The following FMNL2 variants were observed in gnomAD, a reference collection of about 807,000 sequenced individuals.
FMNL2 encodes the protein formin like 2, also known as formin-like protein 2.
A neutral mutation model predicts 130.2 loss-of-function variants in FMNL2; 51 were observed. The ratio of observed to expected loss-of-function variants is 0.39; its 90% confidence interval spans 0.31 to 0.49. FMNL2 has a LOEUF of 0.49. Among genes scored for constraint, FMNL2 ranks in the 20% least tolerant of loss-of-function variants. FMNL2 has a pLI of 0.85. For synonymous variants in FMNL2, 465 were observed against 467.1 expected, an observed-to-expected ratio of 1.00 and a Z score of 0.06; for missense variants, 977 against 1,316.2, an observed-to-expected ratio of 0.74 and a Z score of 3.99.
intron 1 of FMNL2, among the ~76,000 whole-genome samples, chr2:152,414,335 G>A (rs1193771955): frequency 6.6e-6 from 1 of 152,106 alleles, no homozygotes; most frequent in Non-Finnish European, 1.5e-5. Context: ...CTCACTGGGG[G>A]TGGAGTGATG....
intron 1 of FMNL2, among the ~76,000 whole-genome samples, chr2:152,361,411 T>G (rs968740116): frequency 2.6e-5 from 4 of 152,212 alleles, no homozygotes; most frequent in African/African-American, 4.8e-5. Context: ...CTTTTTATAT[T>G]GTTTCAATAT....
intron 1 of FMNL2, among the ~76,000 whole-genome samples, chr2:152,496,637 T>TC (rs1691532003): frequency 6.6e-6 from 1 of 152,220 alleles, no homozygotes; most frequent in Non-Finnish European, 1.5e-5. Flanking sequence ...ATTTCTGTCA[T>TC]CCCGTCATAT....
At chr2:152,593,902 T>A (rs12988475) in intron 9 of FMNL2, among the ~76,000 whole-genome samples, 2,087 of 81,572 alleles carry the variant, frequency 0.026, 95 homozygotes, top group East Asian at 0.18. Flanking sequence ...TGTGTGTGTG[T>A]GAGAGAGAGA....
At chr2:152,384,666 G>A (rs1016294728) in intron 1 of FMNL2, among the ~76,000 whole-genome samples, 1 of 152,182 alleles carries the variant, frequency 6.6e-6, no homozygotes, top group African/African-American at 2.4e-5. Flanking sequence ...GCCTGCCTGG[G>A]TCCCTTGAGT....
At chr2:152,627,824 T>TA (rs1370113240) in intron 17 of FMNL2, among the ~76,000 whole-genome samples, 1 of 152,106 alleles carries the variant, frequency 6.6e-6, no homozygotes, top group African/African-American at 2.4e-5. Flanking sequence ...GAAGAAAAAA[T>TA]ACTACCAGAC....
intron 1 of FMNL2, among the ~76,000 whole-genome samples, chr2:152,503,875 A>G (rs546709058): frequency 6.6e-6 from 1 of 152,274 alleles, no homozygotes; most frequent in East Asian, 1.9e-4. Flanking sequence ...AGGTGGGGGA[A>G]CTGTTTACAC....
chr2:152,590,176 A>C (rs1005000946), intron 9 of FMNL2, among the ~76,000 whole-genome samples: 20 of 151,168 alleles, frequency 1.3e-4, no homozygotes, highest in African/African-American at 4.4e-4. Context: ...GTGGGCCACC[A>C]TGTCTGGCCT....
intron 1 of FMNL2, among the ~76,000 whole-genome samples, chr2:152,454,647 G>C (rs1043685924): frequency 6.6e-6 from 1 of 152,228 alleles, no homozygotes; most frequent in African/African-American, 2.4e-5. Flanking sequence ...TTGCTCCATT[G>C]TTGGCTTGCT....
chr2:152,473,895 C>T (rs1392517843), intron 1 of FMNL2, among the ~76,000 whole-genome samples: 1 of 151,970 alleles, frequency 6.6e-6, no homozygotes, highest in Non-Finnish European at 1.5e-5. Flanking sequence ...TATTTACTTA[C>T]TTAGAGTCTC....
chr2:152,366,665 G>T (rs567994525), intron 1 of FMNL2, among the ~76,000 whole-genome samples: 10 of 152,232 alleles, frequency 6.6e-5, no homozygotes, highest in Non-Finnish European at 1.2e-4. Flanking sequence ...AGTGTACCCT[G>T]GTTTAAAATG....
intron 2 of FMNL2, among the ~76,000 whole-genome samples, chr2:152,534,564 CTTT>C (rs10719527): frequency 6.2e-4 from 81 of 131,558 alleles, no homozygotes; most frequent in East Asian, 2.1e-3. Context: ...CTTATTTTGT[CTTT>C]TTTTTTTTTT....
chr2:152,343,330 C>T (rs1681918609), intron 1 of FMNL2, among the ~76,000 whole-genome samples: 1 of 152,164 alleles, frequency 6.6e-6, no homozygotes, highest in Non-Finnish European at 1.5e-5. Flanking sequence ...GATTCTCCTT[C>T]TGTCATCTGG....
At chr2:152,549,474 C>G (rs1343669425) in intron 4 of FMNL2, among the ~76,000 whole-genome samples, 1 of 152,178 alleles carries the variant, frequency 6.6e-6, no homozygotes, top group East Asian at 1.9e-4. Context: ...GTTGAAGCTG[C>G]TTTATTTCCC....
chr2:152,461,603 A>T (rs1327269814), intron 1 of FMNL2, among the ~76,000 whole-genome samples: 1 of 152,218 alleles, frequency 6.6e-6, no homozygotes, highest in Non-Finnish European at 1.5e-5. Flanking sequence ...TAAAAATTCA[A>T]TTCTTTCTTC....
intron 1 of FMNL2, among the ~76,000 whole-genome samples, chr2:152,385,454 T>C (rs1198324046): frequency 6.6e-6 from 1 of 152,202 alleles, no homozygotes; most frequent in Non-Finnish European, 1.5e-5. Flanking sequence ...AATTCTTCCA[T>C]TTAGGAGGAC....
intron 1 of FMNL2, among the ~76,000 whole-genome samples, chr2:152,504,065 C>T (rs892652115): frequency 1.3e-5 from 2 of 152,168 alleles, no homozygotes; most frequent in African/African-American, 4.8e-5. Context: ...GTGGCACGCG[C>T]CTGTAGTCCC....
chr2:152,604,433 A>C (rs973340193), intron 9 of FMNL2, among the ~76,000 whole-genome samples: 11 of 150,990 alleles, frequency 7.3e-5, no homozygotes, highest in African/African-American at 2.4e-4. Context: ...GTCACTGTTC[A>C]CGAACAGCTG....
intron 25 of FMNL2, among the ~76,000 whole-genome samples, chr2:152,642,805 C>T (rs925992435): frequency 6.6e-6 from 1 of 152,092 alleles, no homozygotes; most frequent in Non-Finnish European, 1.5e-5. Flanking sequence ...ATCAGGACTT[C>T]GAAACCAGCC....
intron 1 of FMNL2, among the ~76,000 whole-genome samples, chr2:152,341,226 A>G (rs1681784178): frequency 6.6e-6 from 1 of 152,078 alleles, no homozygotes. Context: ...TTACAGTTTC[A>G]CCCTAGGCAG....
Sources: allele counts gnomAD v4.1 joint callset (sites outside exome capture counted in the v4.1 genomes callset), GRCh38; gene constraint gnomAD v4.1.1; transcripts MANE v1.5; gene names NCBI Gene and HGNC (gene_info 2026-07-23, HGNC 2026-07-21).